Variants in TCF12 observed in about 807,000 individuals in gnomAD.
TCF12 encodes the protein DNA-binding protein HTF4.
In TCF12, 45 loss-of-function variants were observed where a neutral mutation model predicts 86.0. That is an observed-to-expected ratio of 0.52 (90% CI 0.41 to 0.67). The LOEUF is 0.67. TCF12 is among the 30% of genes least tolerant of loss of function. The probability of loss-of-function intolerance (pLI) is 0.00; values close to 1 mark genes in which losing one functional copy is unlikely to be tolerated. For missense variants in TCF12, 881 were observed against 859.9 expected (o/e 1.02, Z -0.31); for synonymous variants, 330 against 299.6 (o/e 1.10, Z -1.05).
In TCF12 at chr15:57,063,801, G is replaced by A; in HGVS notation, c.200G>A (p.Ser67Asn). ...TCTTGGGGAACAAGTGGTCAACCAA[G>A]TCCTTCCTATGATTCATCTAGAGTA... ...TTSWGTSGQP[S>N]PSYDSSRGFT... Residue 67 changes from serine (S) to asparagine (N), a missense_variant, in exon 4 of 21, where the codon AGT becomes AAT. Coordinates refer to ENST00000333725, the MANE Select transcript of TCF12 (RefSeq NM_207037.2). 6.2e-7 allele frequency: 1 copy of A among 1,603,262 alleles called. No homozygotes were observed. The highest frequency in any genetic ancestry group is 8.5e-7 in the Non-Finnish European group (1 of 1,171,800).
chr15:57,082,745 A>G, intron 4 of TCF12, among the ~76,000 whole-genome samples: 2 of 152,214 alleles, frequency 1.3e-5, no homozygotes, highest in African/African-American at 4.8e-5. Context: ...TCTAGAGAAC[A>G]GTTTGGCAAT....
intron 6 of TCF12, among the ~76,000 whole-genome samples, chr15:57,170,672 T>TAAC (rs1470714991): frequency 1.2e-4 from 1 of 8,572 alleles, no homozygotes; most frequent in South Asian, 4.9e-3. Context: ...TATATATATA[T>TAAC]ATAATATATT....
rs2061226694 is a variant in TCF12 at position 57,273,229 on chromosome 15, G to T, written c.1945G>T (p.Ala649Ser). The change falls in exon 19 of 21, where the codon GCA becomes TCA. Residue 649 changes from alanine (A) to serine (S), a missense_variant. Ala to Ser is a moderately conservative substitution (Grantham distance 99). Transcript: ENST00000333725. ...TKLLILHQAV[A>S]VILSLEQQVR... ...ACTCCTTATTCTTCATCAAGCCGTG[G>T]CAGTCATCCTTAGTCTAGAACAGCA... 6.2e-7 allele frequency: 1 copy of T among 1,613,996 alleles called. No homozygotes were observed. Among genetic ancestry groups the T allele is most frequent in the Non-Finnish European group, 8.5e-7 (1 of 1,180,020 alleles).
intron 3 of TCF12, among the ~76,000 whole-genome samples, chr15:56,939,216 A>G (rs568457631): frequency 2.0e-5 from 3 of 152,244 alleles, no homozygotes; most frequent in Non-Finnish European, 2.9e-5. Flanking sequence ...ATTTGTATAC[A>G]TTGTATACAA....
rs1185440130 is a variant in TCF12 at position 57,196,425 on chromosome 15, A to G, written c.527-1348A>G. On this transcript the variant is annotated intron_variant, in intron 7 of 20. Transcript: ENST00000333725. The stretch of plus-strand genomic sequence containing the variant: ...TGTATCCTCAGGGATCGTGGAACCA[A>G]TCCCACTGATACTGAGGAATGATTG... Among the ~76,000 whole-genome samples the G allele has an allele frequency of 2.6e-5, 4 of 152,212 alleles. 1 individual carries two copies. Among genetic ancestry groups the G allele is most frequent in the Admixed American group, 1.3e-4 (2 of 15,280 alleles).
intron 5 of TCF12, among the ~76,000 whole-genome samples, chr15:57,102,002 T>C (rs1292084326): frequency 6.6e-6 from 1 of 152,230 alleles, no homozygotes; most frequent in African/African-American, 2.4e-5. Flanking sequence ...TGGTCCAGCA[T>C]ACCAATATCA....
intron 6 of TCF12, among the ~76,000 whole-genome samples, chr15:57,181,282 G>C (rs1429672009): frequency 1.3e-5 from 2 of 150,632 alleles, no homozygotes; most frequent in South Asian, 4.2e-4. Context: ...TTATTTTTTG[G>C]TCTCACTGTG....
intron 3 of TCF12, among the ~76,000 whole-genome samples, chr15:56,950,706 C>G (rs1311176374): frequency 2.8e-5 from 4 of 144,396 alleles, no homozygotes; most frequent in African/African-American, 1.0e-4. Flanking sequence ...TGGGTTGTCT[C>G]CAATTTTGGG....
chr15:57,016,496 C>G (rs1479418964), intron 3 of TCF12, among the ~76,000 whole-genome samples: 1 of 152,110 alleles, frequency 6.6e-6, no homozygotes, highest in Non-Finnish European at 1.5e-5. Flanking sequence ...TTGACCTCAC[C>G]TTGCTGCTCA....
At chr15:57,105,648 G>A (rs2050089757) in intron 5 of TCF12, among the ~76,000 whole-genome samples, 3 of 151,904 alleles carry the variant, frequency 2.0e-5, no homozygotes, top group Admixed American at 2.0e-4. Flanking sequence ...CTGACCTCAA[G>A]TGGTCTGCCT....
intron 9 of TCF12, among the ~76,000 whole-genome samples, chr15:57,231,689 C>T (rs1222627563): frequency 6.6e-6 from 1 of 152,086 alleles, no homozygotes; most frequent in Non-Finnish European, 1.5e-5. Context: ...TCCTTTAATT[C>T]ATGTCTAGCA....
intron 5 of TCF12, among the ~76,000 whole-genome samples, chr15:57,140,388 A>G (rs1020942539): frequency 7.2e-5 from 11 of 152,360 alleles, no homozygotes; most frequent in Admixed American, 5.2e-4. Flanking sequence ...AAGACAGATT[A>G]TCGGGATCAG....
intron 5 of TCF12, among the ~76,000 whole-genome samples, chr15:57,155,275 G>A (rs551691372): frequency 2.0e-4 from 30 of 152,040 alleles, no homozygotes; most frequent in Admixed American, 1.8e-3. Flanking sequence ...ACTGTGACCT[G>A]AATTTACTTG....
chr15:57,238,495 C>A (rs2059471258), intron 12 of TCF12, among the ~76,000 whole-genome samples: 1 of 152,096 alleles, frequency 6.6e-6, no homozygotes, highest in Non-Finnish European at 1.5e-5. Flanking sequence ...AATAGTGAAA[C>A]CTCACCATAT....
chr15:56,942,381 T>C (rs1023830910), intron 3 of TCF12, among the ~76,000 whole-genome samples: 1 of 152,206 alleles, frequency 6.6e-6, no homozygotes, highest in Non-Finnish European at 1.5e-5. Flanking sequence ...ACTGTTTTCA[T>C]TGACTATCTC....
At chr15:57,026,288 C>T (rs2065821688) in intron 3 of TCF12, among the ~76,000 whole-genome samples, 1 of 152,220 alleles carries the variant, frequency 6.6e-6, no homozygotes. Context: ...CCAAACTCTT[C>T]TCTGAAAGAG....
At chr15:56,997,765 A>G (rs1384242621) in intron 3 of TCF12, among the ~76,000 whole-genome samples, 5 of 152,254 alleles carry the variant, frequency 3.3e-5, no homozygotes, top group African/African-American at 1.2e-4. Context: ...AAACAAATCA[A>G]TTAAAAGTTT....
At chr15:57,031,061 G>C (rs1366976917) in intron 3 of TCF12, among the ~76,000 whole-genome samples, 1 of 152,150 alleles carries the variant, frequency 6.6e-6, no homozygotes, top group Non-Finnish European at 1.5e-5. Flanking sequence ...TATTATTTCT[G>C]TAGTAACTTG....
chr15:57,157,671 T>TCC (rs1430701258), intron 5 of TCF12, among the ~76,000 whole-genome samples: 1 of 151,752 alleles, frequency 6.6e-6, no homozygotes, highest in Non-Finnish European at 1.5e-5. Flanking sequence ...CAAGAGAGTC[T>TCC]CCTGCCTCAG....
Sources: gnomAD v4.1 joint callset for allele counts (sites outside exome capture counted in the v4.1 genomes callset) on GRCh38, gnomAD v4.1.1 for gene constraint, MANE v1.5 for transcripts, NCBI Gene and HGNC (gene_info 2026-07-23, HGNC 2026-07-21) for gene names.